The following DIP2B variants were observed in gnomAD, a reference collection of about 807,000 sequenced individuals.
The protein encoded by DIP2B is disco-interacting protein 2 homolog B.
DIP2B carries 76 observed loss-of-function variants against 198.0 expected under a neutral mutation model. The ratio of observed to expected loss-of-function variants is 0.38; its 90% CI spans 0.32 to 0.46. The LOEUF is 0.46. Among genes scored for constraint, DIP2B ranks in the 20% least tolerant of loss-of-function variants. The pLI is 0.99. For synonymous variants in DIP2B, 701 were observed against 739.1 expected (o/e 0.95, Z 0.84); for missense variants, 1,559 against 1,978.4 (o/e 0.79, Z 4.02).
intron 1 of DIP2B, among the ~76,000 whole-genome samples, chr12:50,544,147 G>T (rs1555183061): frequency 6.6e-6 from 1 of 150,834 alleles, no homozygotes; most frequent in Non-Finnish European, 1.5e-5. Flanking sequence ...GGAATCGCTT[G>T]AACCTGGGAG....
chr12:50,734,437 A>T (rs1364665610), intron 33 of DIP2B, among the ~76,000 whole-genome samples: 3 of 152,250 alleles, frequency 2.0e-5, no homozygotes, highest in African/African-American at 7.2e-5. Context: ...GCCCATATAA[A>T]AGTATTTTGT....
chr12:50,523,313 G>A (rs1958136523), intron 1 of DIP2B, among the ~76,000 whole-genome samples: 1 of 151,798 alleles, frequency 6.6e-6, no homozygotes. Context: ...GTCAATAGTT[G>A]TTATTCTTTA....
chr12:50,717,209 T>C (rs1259818450), intron 23 of DIP2B, among the ~76,000 whole-genome samples: 3 of 151,722 alleles, frequency 2.0e-5, no homozygotes, highest in Non-Finnish European at 4.4e-5. Flanking sequence ...CCTCCCAAAC[T>C]GGTAGGATTA....
At position 50,744,598 on chromosome 12, in the gene DIP2B, C is replaced by T. The variant is rs891104539; in HGVS notation, c.4490C>T (p.Thr1497Ile). 20 of 1,613,674 alleles carry T rather than the reference C, an allele frequency of 1.2e-5. No individual in the cohort carries two copies. In the Admixed American group the frequency reaches 2.5e-4, roughly 20 times the overall value. The change falls in exon 38 of 38, where the codon ACA becomes ATA. Residue 1497 changes from threonine (T) to isoleucine (I), a missense_variant. Physicochemically the swap from Thr to Ile is moderately conservative, Grantham distance 89 (BLOSUM62 -1). Coordinates refer to ENST00000301180, the MANE Select transcript of DIP2B (RefSeq NM_173602.3). ...HRSIAECAVF[T>I]WTNLLVVVVE... ...CATTGAAATTTCAGTGCCGTGTTCA[C>T]ATGGACCAACTTGCTTGTGGTGGTT...
chr12:50,728,821 C>T, intron 30 of DIP2B, 143 bp downstream of exon 30: 1 of 1,179,566 alleles, frequency 8.5e-7, no homozygotes, highest in Non-Finnish European at 1.1e-6. Context: ...TCTACTGTGT[C>T]TCTGAAGTTT....
At chr12:50,507,561 G>T (rs1002364899) in intron 1 of DIP2B, among the ~76,000 whole-genome samples, 3 of 151,772 alleles carry the variant, frequency 2.0e-5, no homozygotes, top group Admixed American at 6.6e-5. Context: ...TCTTTCGTTT[G>T]TTTTTTTTGA....
chr12:50,654,930 T>C (rs1938529117), intron 3 of DIP2B: 1 of 425,490 alleles, frequency 2.4e-6, no homozygotes. Flanking sequence ...CTAGTAGTAA[T>C]GCAGTGTGGT....
At chr12:50,608,509 C>A (rs532292914) in intron 1 of DIP2B, among the ~76,000 whole-genome samples, 2 of 151,658 alleles carry the variant, frequency 1.3e-5, no homozygotes, top group Non-Finnish European at 1.5e-5. Flanking sequence ...GGCTGTAGTC[C>A]CAGCTACTCT....
chr12:50,514,721 G>T (rs1361817714), intron 1 of DIP2B, among the ~76,000 whole-genome samples: 2 of 151,988 alleles, frequency 1.3e-5, no homozygotes, highest in Non-Finnish European at 2.9e-5. Flanking sequence ...CTGCAGTGTA[G>T]TGGGGTGCTC....
At chr12:50,580,910 C>T in intron 1 of DIP2B, among the ~76,000 whole-genome samples, 1 of 149,360 alleles carries the variant, frequency 6.7e-6, no homozygotes, top group Non-Finnish European at 1.5e-5. Flanking sequence ...AAAATGTCAA[C>T]AATGCCAGCC....
intron 7 of DIP2B, among the ~76,000 whole-genome samples, chr12:50,677,682 T>C (rs1034279435): frequency 1.6e-4 from 24 of 152,288 alleles, no homozygotes; most frequent in African/African-American, 5.5e-4. Flanking sequence ...TTGTTCATTT[T>C]AGAAATTAAG....
Position 50,646,495 on chromosome 12 carries a change from C to T in DIP2B, c.301+5643C>T, listed in dbSNP as rs537316289. On this transcript the variant is annotated intron_variant, in intron 3 of 37. Coordinates refer to ENST00000301180, the MANE Select transcript of DIP2B (RefSeq NM_173602.3). Reference sequence around the variant, plus strand: ...GGAATGCAGTGGTGCTATCTTGGCTCATTGCAACCTCCGCCTCCTGGGTTA... The same window carrying T: ...GGAATGCAGTGGTGCTATCTTGGCTTATTGCAACCTCCGCCTCCTGGGTTA... 2.8e-4 allele frequency among the ~76,000 whole-genome samples: 43 copies of T among 152,194 alleles called. No individual in the cohort carries two copies. The South Asian group carries it at 8.5e-3, about 30-fold the overall frequency.
Position 50,719,145 on chromosome 12 carries a change from G to C in DIP2B, c.3042+110G>C, listed in dbSNP as rs182124979. 2.2e-5 allele frequency: 25 copies of C among 1,156,204 alleles called. 1 individual carries two copies. The allele number at this position is 1,156,204 out of a possible 1,614,324, so 71.6% of individuals were successfully genotyped here. A position where few individuals can be genotyped will look rare whatever the true frequency, so the allele number is the denominator to read the frequency against. ...AATTTCTGTTGCCATCTCTGAAGAAGGAGTTAATGGCTTTCTCCTTGCTTT... is the reference window on the plus strand; with the variant it reads ...AATTTCTGTTGCCATCTCTGAAGAACGAGTTAATGGCTTTCTCCTTGCTTT... On this transcript the variant is annotated intron_variant, in intron 25 of 37. Coordinates refer to ENST00000301180, the MANE Select transcript of DIP2B (RefSeq NM_173602.3).
chr12:50,521,094 GTTTT>G lies in DIP2B; in HGVS notation c.100+15876_100+15879del, dbSNP rs386376482. 8.4e-3 allele frequency among the ~76,000 whole-genome samples: 791 copies of G among 94,320 alleles called. 4 individuals carry two copies. Among genetic ancestry groups the G allele is most frequent in the Middle Eastern group, 0.052 (5 of 96 alleles). 61.9% of individuals were successfully genotyped at this position (94,320 alleles called of 152,430 possible). On this transcript the variant is annotated intron_variant, in intron 1 of 37. Transcript: ENST00000301180. ...TAGACTATTGTTATATTCAGCAACA[GTTTT>G]TTTTTTTTTTTTTTTTTTTTTAATT...
chr12:50,606,782 C>T lies in DIP2B; in HGVS notation c.101-19194C>T, dbSNP rs982596480. On this transcript the variant is annotated intron_variant, in intron 1 of 37. Transcript: ENST00000301180. ...AGTAGCTGGGACTACAGGCTCATAC[C>T]ACAATGCCTGGCTTCTTTTTCTGTT... is the stretch of plus-strand genomic sequence containing the variant. Among the ~76,000 whole-genome samples, 3 of 151,908 alleles carry T rather than the reference C, an allele frequency of 2.0e-5. No individual in the cohort carries two copies. In the South Asian group the frequency reaches 6.2e-4, roughly 32 times the overall value.
chr12:50,735,603 T>G (rs1177344005), intron 34 of DIP2B, among the ~76,000 whole-genome samples: 1 of 152,096 alleles, frequency 6.6e-6, no homozygotes, highest in Non-Finnish European at 1.5e-5. Flanking sequence ...TAGCCGGGGT[T>G]ACAGGCACCT....
At chr12:50,544,496 C>CG (rs1432128752) in intron 1 of DIP2B, among the ~76,000 whole-genome samples, 1 of 151,982 alleles carries the variant, frequency 6.6e-6, no homozygotes, top group Admixed American at 6.6e-5. Flanking sequence ...TTAGTACAGA[C>CG]GGGGTTTCAC....
In DIP2B at chr12:50,747,627, G is replaced by A. The variant is rs1940358193; in HGVS notation, c.*2788G>A. Reference sequence around the variant, plus strand: ...TCTATCCACATTAAGTAGCACTTTTGTGGTAGAACTGATTCTTAAGGCAGG... The same window carrying A: ...TCTATCCACATTAAGTAGCACTTTTATGGTAGAACTGATTCTTAAGGCAGG... On this transcript the variant is annotated 3_prime_UTR_variant, in exon 38 of 38. Coordinates refer to ENST00000301180, the MANE Select transcript of DIP2B (RefSeq NM_173602.3). 6.6e-6 allele frequency: 1 copy of A among 152,220 alleles called. No individual in the cohort carries two copies. Among genetic ancestry groups the A allele is most frequent in the South Asian group, 2.1e-4 (1 of 4,832 alleles). The allele number at this position is 152,220 out of a possible 1,614,324, so 9.4% of individuals were successfully genotyped here. A position where few individuals can be genotyped will look rare whatever the true frequency, so the allele number is the denominator to read the frequency against.
Position 50,505,015 on chromosome 12 carries a change from GCGGCGGCGGTGCTGGTGGTGCT to G in DIP2B, c.-118_-97del, listed in dbSNP as rs1469326581. On this transcript the variant is annotated 5_prime_UTR_variant, in exon 1 of 38. The change abolishes the stop of an existing upstream ORF in the 5' untranslated region. Coordinates refer to ENST00000301180, the MANE Select transcript of DIP2B (RefSeq NM_173602.3). ...ACCTTTGCTCATGGCGGCGGCGGCG[GCGGCGGCGGTGCTGGTGGTGCT>G]CGGCGGCCGGAGCCGGATCCTGTAG... is the stretch of plus-strand genomic sequence containing the variant. The G allele has an allele frequency of 3.1e-6, 3 of 971,888 alleles. No homozygotes were observed. Among genetic ancestry groups the G allele is most frequent in the African/African-American group, 3.4e-5 (2 of 58,832 alleles). The allele number at this position is 971,888 out of a possible 1,614,324, so 60.2% of individuals were successfully genotyped here. A position where few individuals can be genotyped will look rare whatever the true frequency, so the allele number is the denominator to read the frequency against.
Sources: allele counts gnomAD v4.1 joint callset (sites outside exome capture counted in the v4.1 genomes callset), GRCh38; gene constraint gnomAD v4.1.1; transcripts MANE v1.5; gene names NCBI Gene and HGNC (gene_info 2026-07-23, HGNC 2026-07-21).